Variants in TSHZ3 observed in about 807,000 individuals in gnomAD.
TSHZ3 encodes teashirt homolog 3.
Under a neutral mutation model 64.5 loss-of-function variants are expected in TSHZ3, and 10 were observed. That is an observed-to-expected ratio of 0.16 (90% CI 0.10 to 0.26). The LOEUF is 0.26. Ranked by LOEUF, TSHZ3 falls within the 10% of genes least tolerant of loss-of-function variation. The pLI is 1.00. For missense variants in TSHZ3, 1,242 were observed against 1,421.7 expected (o/e 0.87, Z 2.03); for synonymous variants, 608 against 593.1 (o/e 1.03, Z -0.36).
chr19:31,289,550 A>T (rs4805668), intron 1 of TSHZ3, among the ~76,000 whole-genome samples: 66,343 of 152,058 alleles, frequency 0.44, 16,108 homozygotes, highest in African/African-American at 0.65. Flanking sequence ...GCCCCTGGTA[A>T]AGGAATTCTA....
chr19:31,165,679 T>G (rs2145108523), intron 5 of TSHZ3, among the ~76,000 whole-genome samples: 1 of 152,182 alleles, frequency 6.6e-6, no homozygotes, highest in Middle Eastern at 3.4e-3. Flanking sequence ...TATTGTAAAC[T>G]CTGTGGGTGG....
intron 1 of TSHZ3, among the ~76,000 whole-genome samples, chr19:31,335,669 C>T (rs1917221814): frequency 6.6e-6 from 1 of 152,194 alleles, no homozygotes; most frequent in Non-Finnish European, 1.5e-5. Context: ...CACTCATTTC[C>T]CTAAAGGCCA....
At position 31,316,878 on chromosome 19, in the gene TSHZ3, G is replaced by A. The variant is rs529491642; in HGVS notation, c.40+32302C>T. Among the ~76,000 whole-genome samples the A allele has an allele frequency of 6.7e-4, 102 of 152,146 alleles. 2 individuals carry two copies. The highest frequency in any genetic ancestry group is 1.8e-3 in the Admixed American group (28 of 15,268). On this transcript the variant is annotated intron_variant, in intron 1 of 1. Coordinates refer to ENST00000240587, the MANE Select transcript of TSHZ3 (RefSeq NM_020856.4). The stretch of plus-strand genomic sequence containing the variant: ...GAACAGTCTTTCTAGTCGTTTTCCC[G>A]TTTTATTTCTCAATTATTTGAGTCA...
rs774945883 is a variant in TSHZ3 at position 31,277,459 on chromosome 19, G to A, written c.2334C>T (p.Asp778=). The change falls in exon 2 of 2, where the codon GAC becomes GAT. Residue 778 remains aspartate (D), a synonymous_variant. Coordinates refer to ENST00000240587, the MANE Select transcript of TSHZ3 (RefSeq NM_020856.4). The surrounding 1 kb of genome is among the most constrained non-coding windows in gnomAD (Gnocchi z 4.5). The stretch of plus-strand genomic sequence containing the variant: ...CGTTGTTGACGTGGTAGAAATAGCG[G>A]TCGAGGTGGTCTGCCTTCTTGGACT... ...PLQSKKADHL[D]RYFYHVNNDQ... is the part of the protein sequence containing the mutation. The A allele has an allele frequency of 3.7e-6, 6 of 1,613,884 alleles. No individual in the cohort carries two copies. In the South Asian group the frequency reaches 6.6e-5, roughly 18 times the overall value.
At chr19:31,241,637 G>A (rs1328401101) in intron 3 of TSHZ3, among the ~76,000 whole-genome samples, 1 of 152,156 alleles carries the variant, frequency 6.6e-6, no homozygotes, top group Non-Finnish European at 1.5e-5. Flanking sequence ...GCAGACTGCA[G>A]CCATTTGAAG....
chr19:31,158,218 G>A (rs1050163340), intron 5 of TSHZ3, among the ~76,000 whole-genome samples: 21 of 152,092 alleles, frequency 1.4e-4, no homozygotes, highest in Non-Finnish European at 2.5e-4. Flanking sequence ...TGGCTGGGAC[G>A]AAAGAAAATG....
chr19:31,276,583 G>A lies in TSHZ3; in HGVS notation c.3210C>T (p.Asp1070=). 5 of 1,582,940 alleles carry A rather than the reference G, an allele frequency of 3.2e-6. No individual in the cohort carries two copies. Among genetic ancestry groups the A allele is most frequent in the Non-Finnish European group, 4.3e-6 (5 of 1,160,102 alleles). ...LSKTHGKSPE[D]HLLYVSELEK... ...CTAACTCAGAGACATACAGAAGGTG[G>A]TCTTCCGGAGATTTCCCGTGTGTTT... The change falls in exon 2 of 2, where the codon GAC becomes GAT. Residue 1070 remains aspartate (D), a synonymous_variant. Transcript: ENST00000240587.
rs546306600 is a variant in TSHZ3 at position 31,333,718 on chromosome 19, C to A, written c.40+15462G>T. On this transcript the variant is annotated intron_variant, in intron 1 of 1. Coordinates refer to ENST00000240587, the MANE Select transcript of TSHZ3 (RefSeq NM_020856.4). ...CTTGTCCCAGAGCTGCCTCTCCAGG[C>A]CAAGTGAGCCATCATCCTGGGACCA... Among the ~76,000 whole-genome samples, 280 of 152,230 alleles carry A rather than the reference C, an allele frequency of 1.8e-3. 2 individuals are homozygous for A. Among genetic ancestry groups the A allele is most frequent in the African/African-American group, 6.5e-3 (268 of 41,540 alleles).
intron 1 of TSHZ3, among the ~76,000 whole-genome samples, chr19:31,323,075 C>T (rs1916820887): frequency 6.6e-6 from 1 of 152,140 alleles, no homozygotes; most frequent in Non-Finnish European, 1.5e-5. Context: ...TGGCAACCTG[C>T]TTTTTTCACG....
upstream of TSHZ3, chr19:31,349,607 C>CA (rs2021643072): frequency 5.9e-6 from 1 of 170,904 alleles, no homozygotes; most frequent in South Asian, 1.9e-4. Context: ...GCGGCCCTGC[C>CA]CCCCCCCGCC....
intron 6 of TSHZ3, among the ~76,000 whole-genome samples, chr19:31,155,357 C>G (rs187684211): frequency 1.3e-5 from 2 of 152,316 alleles, no homozygotes; most frequent in Admixed American, 1.3e-4. Context: ...TTCAAGATGA[C>G]AGCATTTTTG....
chr19:31,327,525 T>C (rs1444496659), intron 1 of TSHZ3, among the ~76,000 whole-genome samples: 1 of 152,246 alleles, frequency 6.6e-6, no homozygotes, highest in Non-Finnish European at 1.5e-5. Context: ...AACATGCATA[T>C]AAGGCTAGTT....
At position 31,278,422 on chromosome 19, in the gene TSHZ3, A is replaced by G; in HGVS notation, c.1371T>C (p.Asn457=). Residue 457 remains asparagine, a synonymous_variant, in exon 2 of 2, where the codon AAT becomes AAC. Transcript: ENST00000240587. The surrounding 1 kb of genome is among the most constrained non-coding windows in gnomAD (Gnocchi z 4.7). ...LAATTFTSPS[N]TPASISPKLN... is the part of the protein sequence containing the mutation. ...GTTTTGGGGAGATGCTGGCAGGTGT[A>G]TTGGAGGGGGACGTGAAGGTGGTGG... The G allele has an allele frequency of 6.2e-7, 1 of 1,614,002 alleles. No homozygotes were observed. Among genetic ancestry groups the G allele is most frequent in the Non-Finnish European group, 8.5e-7 (1 of 1,180,006 alleles).
At chr19:31,179,815 G>A (rs1378608916) in intron 5 of TSHZ3, among the ~76,000 whole-genome samples, 3 of 125,722 alleles carry the variant, frequency 2.4e-5, no homozygotes, top group Non-Finnish European at 4.9e-5. Flanking sequence ...GATGATGGTG[G>A]TGGTGATGAT....
intron 4 of TSHZ3, among the ~76,000 whole-genome samples, chr19:31,217,213 G>A (rs561648201): frequency 3.5e-4 from 54 of 152,278 alleles, no homozygotes; most frequent in Non-Finnish European, 1.8e-4. Context: ...AGAATGTTGT[G>A]GGCAGAGGAA....
At chr19:31,154,633 A>G (rs891322625) in intron 6 of TSHZ3, among the ~76,000 whole-genome samples, 11 of 152,214 alleles carry the variant, frequency 7.2e-5, no homozygotes, top group Admixed American at 2.6e-4. Flanking sequence ...ACAGGCCCCA[A>G]TCTCACAGAT....
Position 31,278,412 on chromosome 19 carries a change from T to C in TSHZ3, c.1381A>G (p.Ser461Gly), listed in dbSNP as rs1440888700. 2.5e-6 allele frequency: 4 copies of C among 1,614,036 alleles called. No homozygotes were observed. Reference sequence around the variant, plus strand: ...TCCACATTCAGTTTTGGGGAGATGCTGGCAGGTGTATTGGAGGGGGACGTG... The same window carrying C: ...TCCACATTCAGTTTTGGGGAGATGCCGGCAGGTGTATTGGAGGGGGACGTG... ...TFTSPSNTPA[S>G]ISPKLNVEVK... is the part of the protein sequence containing the mutation. Residue 461 changes from serine to glycine, a missense_variant, in exon 2 of 2, where the codon AGC becomes GGC. Physicochemically the swap from Ser to Gly is moderately conservative, Grantham distance 56. This residue lies in a region of TSHZ3 where 555 missense variants were observed against 704.0 expected (regional missense o/e 0.79). Transcript: ENST00000240587. This position sits in a 1 kb window ranked among gnomAD's most constrained non-coding sequence, Gnocchi z 4.7.
chr19:31,339,038 G>A (rs1334570801), intron 1 of TSHZ3, among the ~76,000 whole-genome samples: 2 of 151,926 alleles, frequency 1.3e-5, no homozygotes, highest in South Asian at 2.1e-4. Flanking sequence ...AATGGTACCC[G>A]AAGCCCGGCA....
intron 1 of TSHZ3, among the ~76,000 whole-genome samples, chr19:31,326,098 G>T (rs1280419257): frequency 1.3e-5 from 2 of 152,196 alleles, no homozygotes; most frequent in African/African-American, 2.4e-5. Flanking sequence ...GTAAACTGCA[G>T]ATATCCAAAG....
Sources: gnomAD v4.1 joint callset for allele counts (sites outside exome capture counted in the v4.1 genomes callset) on GRCh38, gnomAD v4.1.1 for gene constraint, gnomAD v4.1.1 regional missense constraint, Gnocchi (gnomAD v3.1) non-coding constraint, MANE v1.5 for transcripts, NCBI Gene and HGNC (gene_info 2026-07-23, HGNC 2026-07-21) for gene names.